Variants in STAC observed in about 807,000 individuals in gnomAD.
The protein encoded by STAC is SH3 and cysteine rich domain.
In STAC, 43 loss-of-function variants were observed where a neutral mutation model predicts 48.8. The observed-to-expected ratio is 0.88, with a 90% CI of 0.69 to 1.14. The LOEUF is 1.14. Among genes scored for constraint, STAC ranks in the 50% most tolerant of loss-of-function variants. The pLI is 0.00. For synonymous variants in STAC, 193 were observed against 179.5 expected (o/e 1.07, Z -0.60); for missense variants, 497 against 504.0 (o/e 0.99, Z 0.13).
At chr3:36,390,462 T>C (rs1025703909) in intron 1 of STAC, among the ~76,000 whole-genome samples, 2 of 147,492 alleles carry the variant, frequency 1.4e-5, no homozygotes, top group African/African-American at 2.5e-5. Flanking sequence ...TTTTTTTTTT[T>C]TTTTTTTTTT....
chr3:36,539,329 A>AT (rs1000290633), intron 10 of STAC, among the ~76,000 whole-genome samples: 2 of 151,800 alleles, frequency 1.3e-5, no homozygotes. Context: ...CCCATTAGTT[A>AT]TTTTTTCTGA....
At chr3:36,482,068 A>C (rs1216374012) in intron 2 of STAC, among the ~76,000 whole-genome samples, 1 of 152,168 alleles carries the variant, frequency 6.6e-6, no homozygotes, top group Non-Finnish European at 1.5e-5. Flanking sequence ...AGTGGCAAAA[A>C]TACATTTTGG....
In STAC at chr3:36,437,873, G is replaced by A. The variant is rs976798119; in HGVS notation, c.112-5491G>A. Among the ~76,000 whole-genome samples the A allele has an allele frequency of 1.1e-4, 17 of 149,076 alleles. No homozygotes were observed. The East Asian group carries it at 2.9e-3, about 26-fold the overall frequency. ...AGGTTTTAATCCTCTTTTTACTGCC[G>A]TAGCCCCCAAATCAAGGTCTATGCC... On this transcript the variant is annotated intron_variant, in intron 1 of 10. Coordinates refer to ENST00000273183, the MANE Select transcript of STAC (RefSeq NM_003149.3).
At chr3:36,462,890 G>T (rs1462484640) in intron 2 of STAC, among the ~76,000 whole-genome samples, 2 of 151,934 alleles carry the variant, frequency 1.3e-5, no homozygotes, top group East Asian at 3.9e-4. Context: ...CCCATATTTA[G>T]TCACAGTTTA....
intron 10 of STAC, among the ~76,000 whole-genome samples, chr3:36,530,354 G>A (rs1248053771): frequency 2.6e-5 from 4 of 152,144 alleles, no homozygotes; most frequent in African/African-American, 9.7e-5. Context: ...CTGTTCAACA[G>A]AGTTGCCGAA....
intron 1 of STAC, among the ~76,000 whole-genome samples, chr3:36,383,323 A>G (rs1699552782): frequency 7.0e-6 from 1 of 142,906 alleles, no homozygotes; most frequent in Non-Finnish European, 1.5e-5. Flanking sequence ...AGGTTAGATC[A>G]TTTTCACTGT....
At chr3:36,489,154 T>C (rs2125703885) in intron 5 of STAC, among the ~76,000 whole-genome samples, 1 of 152,338 alleles carries the variant, frequency 6.6e-6, no homozygotes, top group East Asian at 1.9e-4. Context: ...GATTGCATTG[T>C]AATCATCTGC....
chr3:36,412,929 T>G (rs1347619075), intron 1 of STAC, among the ~76,000 whole-genome samples: 3 of 152,222 alleles, frequency 2.0e-5, no homozygotes, highest in African/African-American at 7.2e-5. Flanking sequence ...CATTTCGTTA[T>G]GTACCCAGTA....
intron 1 of STAC, among the ~76,000 whole-genome samples, chr3:36,413,862 C>A (rs1467852877): frequency 6.6e-6 from 1 of 152,156 alleles, no homozygotes; most frequent in Non-Finnish European, 1.5e-5. Context: ...TCTTTTAGGG[C>A]AGGGCTGGTG....
chr3:36,454,592 C>G (rs547845535), intron 2 of STAC, among the ~76,000 whole-genome samples: 9 of 152,296 alleles, frequency 5.9e-5, no homozygotes, highest in Admixed American at 6.5e-5. Context: ...ACTATCTCCC[C>G]TCTCCACTCC....
intron 5 of STAC, among the ~76,000 whole-genome samples, chr3:36,488,682 C>T (rs533344761): frequency 6.6e-6 from 1 of 152,232 alleles, no homozygotes; most frequent in African/African-American, 2.4e-5. Flanking sequence ...TCCTATAATT[C>T]AAAACTGAGA....
Position 36,455,927 on chromosome 3 carries a change from T to C in STAC, c.388+12287T>C, listed in dbSNP as rs190872444. ...ACAAAGCAAGTATCATTCTATCACATGTTAAGCATAGCTTGGGAAGAAAAT... is the reference window on the plus strand; with the variant it reads ...ACAAAGCAAGTATCATTCTATCACACGTTAAGCATAGCTTGGGAAGAAAAT... On this transcript the variant is annotated intron_variant, in intron 2 of 10. Transcript: ENST00000273183. Among the ~76,000 whole-genome samples, 35 of 152,244 alleles carry C rather than the reference T, an allele frequency of 2.3e-4. No homozygotes were observed. The East Asian group carries it at 4.2e-3, about 18-fold the overall frequency.
chr3:36,412,415 G>C (rs548279112), intron 1 of STAC, among the ~76,000 whole-genome samples: 4 of 151,874 alleles, frequency 2.6e-5, no homozygotes, highest in African/African-American at 9.6e-5. Context: ...ATACATTGCT[G>C]TTCCAAGAAA....
At chr3:36,410,259 T>C (rs1700166801) in intron 1 of STAC, among the ~76,000 whole-genome samples, 2 of 152,230 alleles carry the variant, frequency 1.3e-5, no homozygotes, top group East Asian at 1.9e-4. Flanking sequence ...CCTGCTCATA[T>C]GCTTATCAGT....
chr3:36,534,737 G>A (rs7372042), intron 10 of STAC, among the ~76,000 whole-genome samples: 61,937 of 151,058 alleles, frequency 0.41, 13,227 homozygotes, highest in Admixed American at 0.5. Flanking sequence ...TCTTCTTTTT[G>A]TGAGGCAGGG....
chr3:36,488,419 T>G (rs1043473289), intron 5 of STAC, among the ~76,000 whole-genome samples: 6 of 152,240 alleles, frequency 3.9e-5, no homozygotes, highest in African/African-American at 1.4e-4. Flanking sequence ...TTCGCTGTTC[T>G]GCTCAGCCCA....
At chr3:36,426,229 T>C (rs190767708) in intron 1 of STAC, among the ~76,000 whole-genome samples, 3 of 152,296 alleles carry the variant, frequency 2.0e-5, no homozygotes, top group Non-Finnish European at 1.5e-5. Flanking sequence ...AATCTAACTC[T>C]AGGGTTTTTC....
Position 36,547,188 on chromosome 3 carries a change from T to G in STAC, c.*899T>G, listed in dbSNP as rs1228635719. 6.6e-6 allele frequency: 1 copy of G among 152,248 alleles called. No individual in the cohort carries two copies. Among genetic ancestry groups the G allele is most frequent in the Non-Finnish European group, 1.5e-5 (1 of 68,038 alleles). 9.4% of individuals were successfully genotyped at this position (152,248 alleles called of 1,614,324 possible). ...CCATTTTCATTTTACATCCTCTCTA[T>G]TGGAGGCAGCACTTTTCCCTCATGC... On this transcript the variant is annotated 3_prime_UTR_variant, in exon 11 of 11. Coordinates refer to ENST00000273183, the MANE Select transcript of STAC (RefSeq NM_003149.3).
chr3:36,524,742 A>C (rs1213430958), intron 8 of STAC, among the ~76,000 whole-genome samples: 3 of 152,132 alleles, frequency 2.0e-5, no homozygotes, highest in Non-Finnish European at 4.4e-5. Flanking sequence ...CTCTGTGGGA[A>C]AGAGTGCTGA....
Sources: allele counts gnomAD v4.1 joint callset (sites outside exome capture counted in the v4.1 genomes callset), GRCh38; gene constraint gnomAD v4.1.1; transcripts MANE v1.5; gene names NCBI Gene and HGNC (gene_info 2026-07-23, HGNC 2026-07-21).